The following SDK1 variants were observed in gnomAD, a reference collection of about 807,000 sequenced individuals.
SDK1 encodes the protein sidekick cell adhesion molecule 1.
A neutral mutation model predicts 245.5 loss-of-function variants in SDK1; 157 were observed. The ratio of observed to expected loss-of-function variants is 0.64; its 90% confidence interval spans 0.56 to 0.73. The LOEUF (loss-of-function observed/expected upper bound fraction) is 0.73. Ranked by LOEUF, SDK1 falls within the 30% of genes least tolerant of loss-of-function variation. The pLI, the probability that SDK1 is intolerant of heterozygous loss-of-function variation, is 0.00. For synonymous variants in SDK1, 1,647 were observed against 1,278.5 expected (o/e 1.29, Z -6.15); for missense variants, 3,583 against 3,002.3 (o/e 1.19, Z -4.52).
intron 5 of SDK1, among the ~76,000 whole-genome samples, chr7:3,865,540 G>C (rs187237842): frequency 3.3e-5 from 5 of 152,088 alleles, no homozygotes; most frequent in African/African-American, 7.2e-5. Context: ...ACAAGGTCTC[G>C]CTCTGTCGCC....
intron 1 of SDK1, among the ~76,000 whole-genome samples, chr7:3,513,226 G>C (rs1417521780): frequency 6.6e-6 from 1 of 152,162 alleles, no homozygotes; most frequent in Non-Finnish European, 1.5e-5. Context: ...GGTGGACTTA[G>C]GACAGTTCTT....
chr7:3,327,277 G>A (rs563718870), intron 1 of SDK1, among the ~76,000 whole-genome samples: 1 of 152,258 alleles, frequency 6.6e-6, no homozygotes, highest in South Asian at 2.1e-4. Flanking sequence ...GAGGGAAGAG[G>A]CTGATGAATG....
At chr7:4,078,217 G>T (rs1445823111) in intron 21 of SDK1, among the ~76,000 whole-genome samples, 1 of 152,116 alleles carries the variant, frequency 6.6e-6, no homozygotes, top group East Asian at 1.9e-4. Context: ...TAGCTGGAGA[G>T]GGGTCTTAAA....
At chr7:3,542,352 C>T (rs1177213895) in intron 1 of SDK1, among the ~76,000 whole-genome samples, 2 of 152,194 alleles carry the variant, frequency 1.3e-5, no homozygotes, top group African/African-American at 2.4e-5. Flanking sequence ...TCAGAAGGGT[C>T]CTTTCAGCCT....
chr7:3,780,026 C>G (rs1016129152), intron 4 of SDK1, among the ~76,000 whole-genome samples: 7 of 152,188 alleles, frequency 4.6e-5, no homozygotes, highest in African/African-American at 1.4e-4. Context: ...CCCCTGACCC[C>G]CACACACCAA....
intron 16 of SDK1, among the ~76,000 whole-genome samples, chr7:4,015,425 G>C (rs1397699508): frequency 1.3e-5 from 2 of 152,200 alleles, no homozygotes; most frequent in Non-Finnish European, 1.5e-5. Context: ...CACAGAGCCA[G>C]TTTCTACCTT....
At chr7:3,389,965 G>A (rs950512314) in intron 1 of SDK1, among the ~76,000 whole-genome samples, 2 of 152,130 alleles carry the variant, frequency 1.3e-5, no homozygotes, top group African/African-American at 4.8e-5. Flanking sequence ...TGAGGGCTTA[G>A]AAGGAAATGA....
chr7:3,828,807 A>G (rs1450879832), intron 5 of SDK1, among the ~76,000 whole-genome samples: 1 of 151,702 alleles, frequency 6.6e-6, no homozygotes, highest in Non-Finnish European at 1.5e-5. Flanking sequence ...ATGAACCACC[A>G]TACCTGGCTA....
At chr7:3,480,273 G>A (rs190953751) in intron 1 of SDK1, among the ~76,000 whole-genome samples, 3 of 152,286 alleles carry the variant, frequency 2.0e-5, no homozygotes, top group African/African-American at 7.2e-5. Flanking sequence ...GAAAGCTAGC[G>A]GTATCAACAC....
intron 1 of SDK1, among the ~76,000 whole-genome samples, chr7:3,356,250 T>C (rs1780791069): frequency 6.6e-6 from 1 of 152,038 alleles, no homozygotes; most frequent in South Asian, 2.1e-4. Flanking sequence ...TTGACCTCTT[T>C]TTTGGGGGGT....
chr7:3,466,205 G>C (rs1052109174), intron 1 of SDK1, among the ~76,000 whole-genome samples: 9 of 151,768 alleles, frequency 5.9e-5, no homozygotes, highest in African/African-American at 2.2e-4. Flanking sequence ...TATTGGAATA[G>C]GGAGAGCCTT....
intron 22 of SDK1, among the ~76,000 whole-genome samples, chr7:4,086,533 T>A (rs371587079): frequency 6.6e-6 from 1 of 152,026 alleles, no homozygotes; most frequent in South Asian, 2.1e-4. Flanking sequence ...CTCCTGGAGG[T>A]CACCACGGTC....
chr7:3,767,258 T>A (rs766880749), intron 4 of SDK1, among the ~76,000 whole-genome samples: 31 of 152,086 alleles, frequency 2.0e-4, no homozygotes, highest in Non-Finnish European at 4.3e-4. Flanking sequence ...AGAGGGACAC[T>A]TGGACTCTGG....
intron 4 of SDK1, among the ~76,000 whole-genome samples, chr7:3,769,772 C>G (rs2114998669): frequency 6.6e-6 from 1 of 152,010 alleles, no homozygotes; most frequent in Non-Finnish European, 1.5e-5. Context: ...GCCTGGCTTA[C>G]TTTCTGCTGT....
At chr7:3,973,874 C>T (rs371432856) in intron 12 of SDK1, among the ~76,000 whole-genome samples, 3 of 151,996 alleles carry the variant, frequency 2.0e-5, no homozygotes, top group African/African-American at 7.2e-5. Flanking sequence ...TGGTTTAATT[C>T]ATATGCCATA....
chr7:3,328,211 G>T (rs760735990), intron 1 of SDK1, among the ~76,000 whole-genome samples: 3 of 152,004 alleles, frequency 2.0e-5, no homozygotes, highest in African/African-American at 7.2e-5. Flanking sequence ...AATGACAAAT[G>T]ATATTTAAAA....
intron 1 of SDK1, among the ~76,000 whole-genome samples, chr7:3,421,779 G>C (rs1779542962): frequency 6.6e-6 from 1 of 152,130 alleles, no homozygotes; most frequent in African/African-American, 2.4e-5. Flanking sequence ...ATGACATTTA[G>C]AGTACTGTAG....
At chr7:3,717,622 A>G (rs542149733) in intron 4 of SDK1, among the ~76,000 whole-genome samples, 2 of 152,348 alleles carry the variant, frequency 1.3e-5, no homozygotes, top group South Asian at 4.1e-4. Flanking sequence ...TAAAAGAATG[A>G]TAGGAAAATA....
chr7:3,893,538 TTCAGGGTAAGCAACC>T (rs1156702785), intron 5 of SDK1, among the ~76,000 whole-genome samples: 13 of 152,010 alleles, frequency 8.6e-5, no homozygotes, highest in African/African-American at 1.2e-4. Context: ...CCCGTATTTC[TTCAGGGTAAGCAACC>T]TCACATTTCT....
Sources: allele counts gnomAD v4.1 joint callset (sites outside exome capture counted in the v4.1 genomes callset), GRCh38; gene constraint gnomAD v4.1.1; transcripts MANE v1.5; gene names NCBI Gene and HGNC (gene_info 2026-07-23, HGNC 2026-07-21).